Variants in GALNT14 observed in about 807,000 individuals in gnomAD.
The protein encoded by GALNT14 is UDP-GalNAc:polypeptide N-acetylgalactosaminyltransferase 14.
GALNT14 carries 60 observed loss-of-function variants against 77.5 expected under a neutral mutation model. That is an observed-to-expected ratio of 0.77 (90% CI 0.63 to 0.96). GALNT14 has a LOEUF of 0.96. Among genes scored for constraint, GALNT14 ranks in the 40% least tolerant of loss-of-function variants. The probability of loss-of-function intolerance (pLI) is 0.00; values close to 1 mark genes in which losing one functional copy is unlikely to be tolerated. For synonymous variants in GALNT14, 280 were observed against 281.7 expected, an observed-to-expected ratio of 0.99 and a Z score of 0.06; for missense variants, 710 against 731.0, an observed-to-expected ratio of 0.97 and a Z score of 0.33.
At chr2:31,125,007 CCT>C in intron 1 of GALNT14, 1 of 616,744 alleles carries the variant, frequency 1.6e-6, no homozygotes, top group Non-Finnish European at 2.9e-6. Flanking sequence ...ATGGCCAGAG[CCT>C]CCTGCTGGAT....
Position 30,928,776 on chromosome 2 carries a change from C to T in GALNT14, c.1151+619G>A, listed in dbSNP as rs138529824. On this transcript the variant is annotated intron_variant, in intron 11 of 14. Coordinates refer to ENST00000349752, the MANE Select transcript of GALNT14 (RefSeq NM_024572.4). ...GGACTACAGGTGCCCGCCACCATGCCCAGCTAATTTTTGTATTTTTAGTAG... is the reference window on the plus strand; with the variant it reads ...GGACTACAGGTGCCCGCCACCATGCTCAGCTAATTTTTGTATTTTTAGTAG... Among the ~76,000 whole-genome samples the T allele has an allele frequency of 2.8e-3, 423 of 152,152 alleles. 1 individual carries two copies. The highest frequency in any genetic ancestry group is 9.6e-3 in the African/African-American group (397 of 41,494).
At chr2:30,980,863 C>T (rs1331954181) in intron 2 of GALNT14, among the ~76,000 whole-genome samples, 3 of 152,218 alleles carry the variant, frequency 2.0e-5, no homozygotes, top group African/African-American at 7.2e-5. Flanking sequence ...AGGTGGATCA[C>T]CTGAGGTCAG....
intron 6 of GALNT14, among the ~76,000 whole-genome samples, chr2:30,948,266 G>A (rs1666821925): frequency 6.6e-6 from 1 of 152,214 alleles, no homozygotes; most frequent in Non-Finnish European, 1.5e-5. Flanking sequence ...TGACTCTTAT[G>A]CAATAAAGGA....
At chr2:31,000,685 C>T (rs1670316210) in intron 1 of GALNT14, among the ~76,000 whole-genome samples, 1 of 152,102 alleles carries the variant, frequency 6.6e-6, no homozygotes, top group Admixed American at 6.6e-5. Flanking sequence ...TTCAACTGAT[C>T]GGATGAGGCC....
At chr2:30,984,471 A>T (rs1163600112) in intron 2 of GALNT14, among the ~76,000 whole-genome samples, 1 of 152,214 alleles carries the variant, frequency 6.6e-6, no homozygotes, top group Non-Finnish European at 1.5e-5. Flanking sequence ...CAGTGTGAAC[A>T]TGGAAGCATT....
In GALNT14 at chr2:30,932,098, A is replaced by G. The variant is rs1426213924; in HGVS notation, c.1028T>C (p.Phe343Ser). Residue 343 changes from phenylalanine (F) to serine (S), a missense_variant, in exon 10 of 15, where the codon TTC (phenylalanine) becomes TCC (serine). Phe to Ser is a radical substitution (Grantham distance 155). Transcript: ENST00000349752. ...HVFRKKHPYV[F>S]PDGNANTYIK... ...ATACGTGTTGGCATTTCCATCAGGG[A>G]AAACGTAGGGGTGCTTCTTCCGGAA... The G allele has an allele frequency of 3.2e-6, 5 of 1,575,378 alleles. No individual in the cohort carries two copies. Among genetic ancestry groups the G allele is most frequent in the Non-Finnish European group, 4.3e-6 (5 of 1,160,222 alleles).
chr2:30,956,104 G>T, intron 4 of GALNT14, 127 bp from the exon 5 acceptor site: 1 of 842,760 alleles, frequency 1.2e-6, no homozygotes, highest in Non-Finnish European at 2.0e-6. Flanking sequence ...TAACTGCAGA[G>T]TGCAGTCCTG....
chr2:30,997,620 C>T (rs1487501296), intron 1 of GALNT14, among the ~76,000 whole-genome samples: 1 of 152,214 alleles, frequency 6.6e-6, no homozygotes, highest in African/African-American at 2.4e-5. Context: ...AGAATTTATT[C>T]AACCTAGAGG....
chr2:30,958,195 G>A (rs984428255), intron 4 of GALNT14, among the ~76,000 whole-genome samples: 1 of 152,104 alleles, frequency 6.6e-6, no homozygotes, highest in Non-Finnish European at 1.5e-5. Flanking sequence ...GCAGATTATT[G>A]CAGAGAACCC....
intron 1 of GALNT14, among the ~76,000 whole-genome samples, chr2:31,068,698 T>G (rs1046039599): frequency 1.3e-5 from 2 of 152,008 alleles, no homozygotes; most frequent in Non-Finnish European, 2.9e-5. Context: ...ATGGGGCCCC[T>G]AGGTGTTTAA....
intron 2 of GALNT14, among the ~76,000 whole-genome samples, chr2:30,989,003 T>A (rs1669493239): frequency 6.6e-6 from 1 of 152,142 alleles, no homozygotes; most frequent in Non-Finnish European, 1.5e-5. Context: ...ACGGGCCCCA[T>A]CTCAGACGTA....
Position 30,924,744 on chromosome 2 carries a change from G to A in GALNT14, c.1231C>T (p.Leu411Phe), listed in dbSNP as rs753333327. 1.6e-5 allele frequency: 26 copies of A among 1,613,764 alleles called. No individual in the cohort carries two copies. The highest frequency in any genetic ancestry group is 2.2e-5 in the Non-Finnish European group (26 of 1,179,660). Residue 411 changes from leucine to phenylalanine, a missense_variant, in exon 12 of 15, where the codon CTC becomes TTC. Transcript: ENST00000349752. ...KWYLENIYPE[L>F]SIPKESSIQK... ...TCCAACAGGTAGGACGGATACCTGA[G>A]TTCAGGGTAGATATTCTCCAGGTAC...
At chr2:31,118,343 T>C (rs1302903882) in intron 1 of GALNT14, among the ~76,000 whole-genome samples, 4 of 152,074 alleles carry the variant, frequency 2.6e-5, no homozygotes, top group Non-Finnish European at 4.4e-5. Context: ...AAATCCAACT[T>C]ATGAAAATAG....
intron 2 of GALNT14, among the ~76,000 whole-genome samples, chr2:30,989,585 A>AAAAAT (rs1558471191): frequency 2.3e-5 from 2 of 87,948 alleles, no homozygotes; most frequent in African/African-American, 1.0e-4. Flanking sequence ...TATATATAAA[A>AAAAAT]ATATATATAT....
intron 13 of GALNT14, among the ~76,000 whole-genome samples, chr2:30,923,633 G>A (rs1050546305): frequency 1.3e-5 from 2 of 152,056 alleles, no homozygotes; most frequent in African/African-American, 4.8e-5. Flanking sequence ...GACAGAGAGG[G>A]TTTTACCAAA....
chr2:30,996,610 G>A (rs1161142654), intron 1 of GALNT14, among the ~76,000 whole-genome samples: 1 of 152,254 alleles, frequency 6.6e-6, no homozygotes, highest in Non-Finnish European at 1.5e-5. Context: ...GAGGGCCCGA[G>A]GCTGCTGGTT....
chr2:30,985,488 AACAG>A (rs933493589), intron 2 of GALNT14, among the ~76,000 whole-genome samples: 1 of 151,930 alleles, frequency 6.6e-6, no homozygotes, highest in African/African-American at 2.4e-5. Flanking sequence ...CTACACAGAA[AACAG>A]ACAGGGCAGG....
chr2:31,084,517 G>C (rs1231865207), intron 1 of GALNT14, among the ~76,000 whole-genome samples: 1 of 152,328 alleles, frequency 6.6e-6, no homozygotes, highest in East Asian at 1.9e-4. Context: ...TTAGTGCCCT[G>C]AGGTGATGCT....
chr2:30,974,656 T>G (rs1668536913), intron 2 of GALNT14, among the ~76,000 whole-genome samples: 1 of 152,240 alleles, frequency 6.6e-6, no homozygotes. Flanking sequence ...GCTTGGAAGT[T>G]ACTTCCCCTG....
Sources: allele counts gnomAD v4.1 joint callset (sites outside exome capture counted in the v4.1 genomes callset), GRCh38; gene constraint gnomAD v4.1.1; transcripts MANE v1.5; gene names NCBI Gene and HGNC (gene_info 2026-07-23, HGNC 2026-07-21).